Variants in THSD1 observed in about 807,000 individuals in gnomAD.
THSD1 encodes the protein thrombospondin type 1 domain containing 1, also known as thrombospondin type-1 domain-containing protein 1.
Under a neutral mutation model 46.3 loss-of-function variants are expected in THSD1, and 34 were observed. The ratio of observed to expected loss-of-function variants is 0.74; its 90% CI spans 0.56 to 0.98. The LOEUF (loss-of-function observed/expected upper bound fraction) is 0.98. THSD1 is among the 50% of genes least tolerant of loss of function. The pLI, the probability that THSD1 is intolerant of heterozygous loss-of-function variation, is 0.00. For synonymous variants in THSD1, 407 were observed against 416.5 expected (o/e 0.98, Z 0.28); for missense variants, 1,023 against 1,058.3 (o/e 0.97, Z 0.46).
At chr13:52,389,978 A>G (rs1002697977) in intron 3 of THSD1, among the ~76,000 whole-genome samples, 1 of 151,952 alleles carries the variant, frequency 6.6e-6, no homozygotes, top group African/African-American at 2.4e-5. Context: ...CATCTCTACA[A>G]AAAATGCAAA....
intron 2 of THSD1, among the ~76,000 whole-genome samples, chr13:52,399,776 G>A (rs1460971327): frequency 1.3e-5 from 2 of 152,152 alleles, no homozygotes; most frequent in Admixed American, 1.3e-4. Context: ...TCAAAGTTGA[G>A]GAAGGTGGCT....
At chr13:52,385,948 C>T in intron 4 of THSD1, 80 bp downstream of exon 4, 1 of 1,362,576 alleles carries the variant, frequency 7.3e-7, no homozygotes, top group Non-Finnish European at 1.0e-6. Flanking sequence ...AGACTGGTAA[C>T]TCTCAGGCAG....
chr13:52,399,734 T>C (rs1010465753), intron 2 of THSD1, among the ~76,000 whole-genome samples: 3 of 152,136 alleles, frequency 2.0e-5, no homozygotes, highest in Non-Finnish European at 4.4e-5. Flanking sequence ...CAAAAACAAG[T>C]TGAGGGATAT....
intron 2 of THSD1, chr13:52,398,667 T>C (rs1957830142): frequency 1.1e-6 from 1 of 911,014 alleles, no homozygotes; most frequent in Non-Finnish European, 1.3e-6. Flanking sequence ...TCCTTCTTCA[T>C]CTTTCATAGT....
intron 3 of THSD1, among the ~76,000 whole-genome samples, chr13:52,394,874 A>G (rs1262764521): frequency 6.6e-6 from 1 of 152,202 alleles, no homozygotes; most frequent in African/African-American, 2.4e-5. Context: ...GGGGAGAAAG[A>G]TATTAAACAA....
At chr13:52,400,136 T>G (rs1380627490) in intron 2 of THSD1, 1 of 155,044 alleles carries the variant, frequency 6.4e-6, no homozygotes, top group Non-Finnish European at 1.4e-5. Flanking sequence ...ATGACAGGGA[T>G]TGTCAGTGAA....
intron 3 of THSD1, among the ~76,000 whole-genome samples, chr13:52,391,819 AG>A (rs1957774951): frequency 6.6e-6 from 1 of 152,092 alleles, no homozygotes; most frequent in Non-Finnish European, 1.5e-5. Context: ...CTGGGATTAC[AG>A]GCGTGAGCCA....
intron 1 of THSD1, 108 bp from the exon 2 acceptor site, chr13:52,402,789 G>A: frequency 6.5e-6 from 9 of 1,383,264 alleles, no homozygotes; most frequent in Non-Finnish European, 8.4e-6. Flanking sequence ...AAGTGATATT[G>A]AAAGGAAACT....
intron 2 of THSD1, 63 bp from the exon 3 acceptor site, chr13:52,398,257 T>C (rs890693709): frequency 6.5e-6 from 10 of 1,533,928 alleles, no homozygotes; most frequent in African/African-American, 1.4e-5. Context: ...ATTAGTGACA[T>C]TGATGAAAAC....
chr13:52,389,645 A>G (rs1957758733), intron 3 of THSD1, among the ~76,000 whole-genome samples: 2 of 152,182 alleles, frequency 1.3e-5, no homozygotes, highest in Admixed American at 1.3e-4. Context: ...GGATATTACC[A>G]GGGATAAAGA....
chr13:52,402,708 G>A (rs1957874466), intron 1 of THSD1, 27 bp from the exon 2 acceptor site: 3 of 1,525,818 alleles, frequency 2.0e-6, no homozygotes, highest in Non-Finnish European at 2.6e-6. Flanking sequence ...AAAAAATGAT[G>A]GCTCCGTTCA....
intron 3 of THSD1, among the ~76,000 whole-genome samples, chr13:52,389,151 C>T (rs1271554413): frequency 1.3e-5 from 2 of 151,756 alleles, no homozygotes; most frequent in African/African-American, 2.4e-5. Context: ...TTAGTAGAGA[C>T]GGGGTTTCAC....
chr13:52,404,410 TG>T (rs1367124528), intron 1 of THSD1, among the ~76,000 whole-genome samples: 1 of 152,208 alleles, frequency 6.6e-6, no homozygotes, highest in Non-Finnish European at 1.5e-5. Context: ...CAGCAAGAGC[TG>T]CTGAACAAAG....
At chr13:52,383,166 C>G (rs1957705315) in intron 4 of THSD1, among the ~76,000 whole-genome samples, 1 of 152,102 alleles carries the variant, frequency 6.6e-6, no homozygotes, top group Non-Finnish European at 1.5e-5. Flanking sequence ...CTACTATAAG[C>G]CCCTTCAAGA....
chr13:52,403,521 G>A (rs999709667), intron 1 of THSD1, among the ~76,000 whole-genome samples: 4 of 152,226 alleles, frequency 2.6e-5, no homozygotes, highest in Admixed American at 6.5e-5. Flanking sequence ...TCACTCTGTC[G>A]CCTAGGCTGG....
rs751702537 is a variant in THSD1 at position 52,386,059 on chromosome 13, C to A, written c.1149G>T (p.Glu383Asp). The A allele has an allele frequency of 1.2e-6, 2 of 1,613,960 alleles. No homozygotes were observed. The highest frequency in any genetic ancestry group is 1.7e-6 in the Non-Finnish European group (2 of 1,180,014). Residue 383 changes from glutamate to aspartate, a missense_variant, in exon 4 of 5, where the codon GAG becomes GAT. Transcript: ENST00000258613. ...SSPVCPGMSL[E>D]ASLCSLEECA... ...ACTCCTCCAGGGAACACAGGGAGGC[C>A]TCCAAGGACATTCCAGGGCAGACAG...
chr13:52,387,105 G>T (rs938588358), intron 3 of THSD1, among the ~76,000 whole-genome samples: 2 of 152,164 alleles, frequency 1.3e-5, no homozygotes, highest in Admixed American at 6.6e-5. Context: ...TCTACTTCTG[G>T]GGAAGAGGCA....
Position 52,378,513 on chromosome 13 carries a change from G to C in THSD1, c.1457C>G (p.Thr486Arg). The C allele has an allele frequency of 6.2e-7, 1 of 1,614,124 alleles. No homozygotes were observed. Among genetic ancestry groups the C allele is most frequent in the Non-Finnish European group, 8.5e-7 (1 of 1,180,026 alleles). Residue 486 changes from threonine to arginine, a missense_variant, in exon 5 of 5, where the codon ACG becomes AGG. Thr to Arg is a moderately conservative substitution (Grantham distance 71). Transcript: ENST00000258613. ...GATGCCTGTGTCCCCTGGACTCCCC[G>C]TGGGCCCGTCTCCCCCATCCGAGAA... ...GSFSDGGDGP[T>R]GSPGDTGIPL...
At chr13:52,388,491 T>A (rs1296381374) in intron 3 of THSD1, among the ~76,000 whole-genome samples, 1 of 152,146 alleles carries the variant, frequency 6.6e-6, no homozygotes, top group Non-Finnish European at 1.5e-5. Flanking sequence ...TTTGTTTTTG[T>A]TTTTGAGACA....
Sources: allele counts gnomAD v4.1 joint callset (sites outside exome capture counted in the v4.1 genomes callset), GRCh38; gene constraint gnomAD v4.1.1; transcripts MANE v1.5; gene names NCBI Gene and HGNC (gene_info 2026-07-23, HGNC 2026-07-21).